The following THRAP3 variants were observed in gnomAD, a reference collection of about 807,000 sequenced individuals.
The protein encoded by THRAP3 is thyroid hormone receptor associated protein 3.
THRAP3 carries 16 observed loss-of-function variants against 101.0 expected under a neutral mutation model. That is an observed-to-expected ratio of 0.16 (90% CI 0.11 to 0.24). The LOEUF is 0.24. Among genes scored for constraint, THRAP3 ranks in the 10% least tolerant of loss-of-function variants. THRAP3 has a pLI of 1.00. For missense variants in THRAP3, 989 were observed against 1,202.7 expected (o/e 0.82, Z 2.63); for synonymous variants, 407 against 422.6 (o/e 0.96, Z 0.45).
At chr1:36,248,707 T>C (rs1645261316) in intron 1 of THRAP3, among the ~76,000 whole-genome samples, 1 of 151,996 alleles carries the variant, frequency 6.6e-6, no homozygotes, top group Admixed American at 6.6e-5. Flanking sequence ...AGTAAATTCT[T>C]ATGTATGTGA....
chr1:36,219,144 G>C, the THRAP3 span, among the ~76,000 whole-genome samples: 10 of 151,288 alleles, frequency 6.6e-5, no homozygotes, highest in Non-Finnish European at 1.5e-4. Flanking sequence ...CTACAAAGAA[G>C]ATCAGATCAG....
intron 2 of THRAP3, among the ~76,000 whole-genome samples, chr1:36,274,697 A>C (rs1028758827): frequency 8.0e-6 from 1 of 125,726 alleles, no homozygotes; most frequent in South Asian, 2.4e-4. Flanking sequence ...CAATGGTGCG[A>C]TCTTGTCTCA....
At chr1:36,249,646 C>A (rs1038804860) in intron 1 of THRAP3, among the ~76,000 whole-genome samples, 1 of 150,530 alleles carries the variant, frequency 6.6e-6, no homozygotes, top group Admixed American at 6.6e-5. Context: ...TACATTTGAG[C>A]TGTTGCTGGA....
intron 1 of THRAP3, among the ~76,000 whole-genome samples, chr1:36,227,102 A>G (rs1210976721): frequency 2.0e-5 from 3 of 152,022 alleles, no homozygotes; most frequent in Non-Finnish European, 4.4e-5. Context: ...GGAAGATGGG[A>G]AGAATTTAGT....
rs1261928580 is a variant in THRAP3 at position 36,293,924 on chromosome 1, C to T, written c.2104C>T (p.Pro702Ser). The T allele has an allele frequency of 2.5e-6, 4 of 1,613,374 alleles. No homozygotes were observed. The highest frequency in any genetic ancestry group is 2.2e-5 in the South Asian group (2 of 91,044). ...AHDEMKSPRE[P>S]GYKAEGKYKD... The stretch of plus-strand genomic sequence containing the variant: ...TGATGAAATGAAAAGTCCCCGGGAA[C>T]CTGGCTACAAGGTGAACTGTTGATT... The change falls in exon 8 of 12, where the codon CCT becomes TCT. Residue 702 changes from proline to serine, a missense_variant. Coordinates refer to ENST00000354618, the MANE Select transcript of THRAP3 (RefSeq NM_005119.4).
At chr1:36,209,043 C>T in the THRAP3 span, among the ~76,000 whole-genome samples, 2 of 129,988 alleles carry the variant, frequency 1.5e-5, no homozygotes, top group East Asian at 5.1e-4. Context: ...GTGATGGAAT[C>T]GTGGCTCACT....
intron 5 of THRAP3, 105 bp downstream of exon 5, chr1:36,289,869 G>A (rs970027889): frequency 1.4e-6 from 2 of 1,425,940 alleles, no homozygotes. Flanking sequence ...TCTGTCTTAA[G>A]CTTCAGTGGT....
chr1:36,252,946 A>ATATATG (rs1557819356), intron 1 of THRAP3, among the ~76,000 whole-genome samples: 3 of 115,952 alleles, frequency 2.6e-5, no homozygotes, highest in African/African-American at 9.3e-5. Flanking sequence ...ATATATATAT[A>ATATATG]TATATATATA....
rs1645865651 is a variant in THRAP3 at position 36,291,354 on chromosome 1, TC to T, written c.1746-16del. On this transcript the variant is annotated intron_variant, in intron 5 of 11. Transcript: ENST00000354618. ...CTGTGTATTGTGTTCTAATTGGGCCTCCCCATATTTCTTTTTCAGACCCAGT... is the reference window on the plus strand; with the variant it reads ...CTGTGTATTGTGTTCTAATTGGGCCTCCCATATTTCTTTTTCAGACCCAGT... 3 of 1,610,434 alleles carry T rather than the reference TC, an allele frequency of 1.9e-6. No homozygotes were observed. Among genetic ancestry groups the T allele is most frequent in the African/African-American group, 2.7e-5 (2 of 74,866 alleles).
chr1:36,258,652 T>G (rs974653557), intron 1 of THRAP3, among the ~76,000 whole-genome samples: 1 of 152,184 alleles, frequency 6.6e-6, no homozygotes, highest in African/African-American at 2.4e-5. Context: ...ATTTTGTTTT[T>G]GTATTTTTAC....
chr1:36,304,108 C>T lies in THRAP3; in HGVS notation c.*91C>T. ...TTAACAGAGGAACCTCAAGAAGATTCTGAAAATCCTACCCCCACCCCCCAC... is the reference window on the plus strand; with the variant it reads ...TTAACAGAGGAACCTCAAGAAGATTTTGAAAATCCTACCCCCACCCCCCAC... On this transcript the variant is annotated 3_prime_UTR_variant, in exon 12 of 12. Coordinates refer to ENST00000354618, the MANE Select transcript of THRAP3 (RefSeq NM_005119.4). 1 of 1,434,838 alleles carries T rather than the reference C, an allele frequency of 7.0e-7. No individual in the cohort carries two copies. The highest frequency in any genetic ancestry group is 1.4e-5 in the African/African-American group (1 of 69,262). 88.9% of individuals were successfully genotyped at this position (1,434,838 alleles called of 1,614,324 possible).
the THRAP3 span, among the ~76,000 whole-genome samples, chr1:36,211,897 A>G: frequency 5.9e-5 from 9 of 152,154 alleles, no homozygotes; most frequent in Admixed American, 5.9e-4. Flanking sequence ...TTCCCTTTCC[A>G]GCTTCCTTTC....
chr1:36,275,101 G>A (rs550362432), intron 2 of THRAP3, among the ~76,000 whole-genome samples: 12 of 113,390 alleles, frequency 1.1e-4, no homozygotes, highest in South Asian at 3.4e-4. Context: ...GTGAAACCCC[G>A]TCTCTACTAA....
At chr1:36,253,682 C>T (rs1458467057) in intron 1 of THRAP3, among the ~76,000 whole-genome samples, 1 of 151,286 alleles carries the variant, frequency 6.6e-6, no homozygotes, top group Non-Finnish European at 1.5e-5. Flanking sequence ...CAACTTCAAG[C>T]TCCTGGGCTT....
At chr1:36,258,170 T>TA (rs2124482441) in intron 1 of THRAP3, among the ~76,000 whole-genome samples, 1 of 152,298 alleles carries the variant, frequency 6.6e-6, no homozygotes, top group African/African-American at 2.4e-5. Context: ...TTCAACATGT[T>TA]ACAGCATAAG....
chr1:36,230,398 A>C (rs1009011438), intron 1 of THRAP3, among the ~76,000 whole-genome samples: 1 of 150,190 alleles, frequency 6.7e-6, no homozygotes, highest in African/African-American at 2.5e-5. Flanking sequence ...GATTACAGGC[A>C]TGAGCCACCG....
At chr1:36,279,773 G>A (rs769654634) in intron 2 of THRAP3, among the ~76,000 whole-genome samples, 2 of 152,250 alleles carry the variant, frequency 1.3e-5, no homozygotes, top group South Asian at 2.1e-4. Flanking sequence ...CTTCCTAGGC[G>A]TTTTTTGTCT....
the THRAP3 span, among the ~76,000 whole-genome samples, chr1:36,209,492 C>T: frequency 5.9e-5 from 9 of 152,134 alleles, no homozygotes; most frequent in Non-Finnish European, 1.3e-4. Flanking sequence ...GTTGTGACAA[C>T]CACAAATGTC....
At chr1:36,229,867 G>C (rs1036294377) in intron 1 of THRAP3, among the ~76,000 whole-genome samples, 1 of 151,242 alleles carries the variant, frequency 6.6e-6, no homozygotes, top group African/African-American at 2.4e-5. Context: ...GGTCAGGCTG[G>C]TCTCAAACTT....
Sources: allele counts gnomAD v4.1 joint callset (sites outside exome capture counted in the v4.1 genomes callset), GRCh38; gene constraint gnomAD v4.1.1; transcripts MANE v1.5; gene names NCBI Gene and HGNC (gene_info 2026-07-23, HGNC 2026-07-21).